Variants in CYP4F3 observed in about 807,000 individuals in gnomAD.
The protein encoded by CYP4F3 is cytochrome P450 family 4 subfamily F member 3.
Under a neutral mutation model 54.8 loss-of-function variants are expected in CYP4F3, and 50 were observed. That is an observed-to-expected ratio of 0.91 (90% CI 0.73 to 1.16). The LOEUF is 1.16. Ranked by LOEUF, CYP4F3 falls within the 50% of genes most tolerant of loss-of-function variation. CYP4F3 has a pLI of 0.00. For missense variants in CYP4F3, 715 were observed against 676.2 expected, an observed-to-expected ratio of 1.06 and a Z score of -0.64; for synonymous variants, 244 against 262.6, an observed-to-expected ratio of 0.93 and a Z score of 0.69.
At chr19:15,654,353 C>T (rs781639532) in intron 9 of CYP4F3, among the ~76,000 whole-genome samples, 4 of 152,032 alleles carry the variant, frequency 2.6e-5, no homozygotes, top group Non-Finnish European at 4.4e-5. Flanking sequence ...ATATCCATTG[C>T]CTGAAATATT....
intron 3 of CYP4F3, 25 bp from the exon 4 acceptor site, chr19:15,647,027 C>A: frequency 6.2e-7 from 1 of 1,613,706 alleles, no homozygotes; most frequent in Non-Finnish European, 8.5e-7. Flanking sequence ...CCTCCATGGC[C>A]CCTGATTGTC....
intron 12 of CYP4F3, 117 bp downstream of exon 12, chr19:15,658,926 C>T: frequency 2.1e-6 from 3 of 1,400,608 alleles, no homozygotes; most frequent in South Asian, 2.6e-5. Flanking sequence ...CCTTCCCTCA[C>T]CTCCTCTGGA....
chr19:15,650,302 A>G (rs549825126), intron 7 of CYP4F3, 119 bp downstream of exon 7: 3 of 1,586,052 alleles, frequency 1.9e-6, no homozygotes, highest in South Asian at 2.3e-5. Context: ...TGATTGAGGA[A>G]GGGAGGGACA....
At chr19:15,650,745 C>CTTTCTTTCTTTCTTTCTCTCT (rs1568398088) in intron 7 of CYP4F3, among the ~76,000 whole-genome samples, 1 of 62,398 alleles carries the variant, frequency 1.6e-5, no homozygotes, top group Non-Finnish European at 2.9e-5. Context: ...TCTTTTCCTT[C>CTTTCTTTCTTTCTTTCTCTCT]CTTCCATCTT....
At chr19:15,656,509 C>CTATGTATG (rs1568402240) in intron 9 of CYP4F3, among the ~76,000 whole-genome samples, 1 of 64,936 alleles carries the variant, frequency 1.5e-5, no homozygotes, top group Non-Finnish European at 2.8e-5. Flanking sequence ...ATCTATCTAT[C>CTATGTATG]TATCTATCTA....
Position 15,645,743 on chromosome 19 carries a change from C to T in CYP4F3, c.223C>T (p.Leu75=). 6.2e-7 allele frequency: 1 copy of T among 1,613,684 alleles called. No individual in the cohort carries two copies. The highest frequency in any genetic ancestry group is 1.1e-5 in the South Asian group (1 of 91,036). The change falls in exon 3 of 13, where the codon CTA becomes TTA. Residue 75 remains leucine, a synonymous_variant. Coordinates refer to ENST00000221307, the MANE Select transcript of CYP4F3 (RefSeq NM_000896.3). The part of the protein sequence containing the change: ...GLIHSSEEGL[L]YTQSLACTFG... ...GATTCACAGCTCGGAGGAAGGTCTC[C>T]TATACACACAAAGCCTGGCATGCAC...
At chr19:15,656,467 GTTTA>G (rs56240080) in intron 9 of CYP4F3, among the ~76,000 whole-genome samples, 67,467 of 134,408 alleles carry the variant, frequency 0.5, 16,159 homozygotes, top group East Asian at 0.65. Flanking sequence ...CCATAGATTT[GTTTA>G]TCTATCTATC....
At chr19:15,654,562 T>C (rs1050953626) in intron 9 of CYP4F3, among the ~76,000 whole-genome samples, 1 of 152,200 alleles carries the variant, frequency 6.6e-6, no homozygotes, top group South Asian at 2.1e-4. Flanking sequence ...TCTTTTTTCA[T>C]GAGATCCACT....
Position 15,651,531 on chromosome 19 carries a change from A to AT in CYP4F3, c.919-1033dup, listed in dbSNP as rs747496816. On this transcript the variant is annotated intron_variant, in intron 7 of 12. Coordinates refer to ENST00000221307, the MANE Select transcript of CYP4F3 (RefSeq NM_000896.3). ...TAGAGGCACCTGGCTAATTTTTTGT[A>AT]TTTTTAGTACAGACGGAGCTTCACT... Among the ~76,000 whole-genome samples, 8 of 128,766 alleles carry AT rather than the reference A, an allele frequency of 6.2e-5. 1 individual carries two copies. The highest frequency in any genetic ancestry group is 3.1e-4 in the Admixed American group (4 of 12,938). The allele number at this position is 128,766 out of a possible 152,430, so 84.5% of individuals were successfully genotyped here.
Position 15,640,956 on chromosome 19 carries a change from G to T in CYP4F3, c.-2+11G>T, listed in dbSNP as rs192489820. On this transcript the variant is annotated intron_variant, in intron 1 of 12. Transcript: ENST00000221307. ...TGCTCCTGACAGAAGGTGCCAGGGT[G>T]GGGGTGGTGGGCCTGGGGCATCCTA... 276 of 161,404 alleles carry T rather than the reference G, an allele frequency of 1.7e-3. 1 individual carries two copies. The highest frequency in any genetic ancestry group is 6.2e-3 in the African/African-American group (260 of 41,676). The allele number at this position is 161,404 out of a possible 1,614,324, so 10.0% of individuals were successfully genotyped here. A position where few individuals can be genotyped will look rare whatever the true frequency, so the allele number is the denominator to read the frequency against.
At chr19:15,645,604 G>C in intron 2 of CYP4F3, 115 bp from the exon 3 acceptor site, 2 of 1,380,672 alleles carry the variant, frequency 1.4e-6, no homozygotes, top group South Asian at 1.4e-5. Context: ...GCACTGAGAG[G>C]GAGATGAGAT....
rs1451126281 is a variant in CYP4F3 at position 15,649,976 on chromosome 19, G to T, written c.711G>T (p.Gln237His). 2.0e-5 allele frequency: 33 copies of T among 1,614,056 alleles called. No homozygotes were observed. The highest frequency in any genetic ancestry group is 4.0e-5 in the African/African-American group (3 of 74,904). Reference protein sequence around the residue: ...ELSALVTKRHQQILLYIDFLY... With the variant: ...ELSALVTKRHHQILLYIDFLY... ...GTGCCCTTGTGACAAAAAGACACCAGCAGATCCTCCTGTACATAGACTTCC... is the reference window on the plus strand; with the variant it reads ...GTGCCCTTGTGACAAAAAGACACCATCAGATCCTCCTGTACATAGACTTCC... Residue 237 changes from glutamine to histidine, a missense_variant, in exon 7 of 13, where the codon CAG becomes CAT. Coordinates refer to ENST00000221307, the MANE Select transcript of CYP4F3 (RefSeq NM_000896.3).
intron 2 of CYP4F3, among the ~76,000 whole-genome samples, chr19:15,644,598 C>T (rs1389979761): frequency 7.3e-6 from 1 of 137,750 alleles, no homozygotes; most frequent in South Asian, 2.3e-4. Flanking sequence ...ACAATGAGGA[C>T]TTGTGGCTGG....
At chr19:15,657,937 G>T (rs1008276450) in intron 9 of CYP4F3, among the ~76,000 whole-genome samples, 6 of 151,978 alleles carry the variant, frequency 3.9e-5, no homozygotes, top group Admixed American at 3.9e-4. Context: ...TTTTTATGAC[G>T]TTAAGTAGGT....
chr19:15,657,573 G>A (rs55923265), intron 9 of CYP4F3, among the ~76,000 whole-genome samples: 31,588 of 152,062 alleles, frequency 0.21, 3,563 homozygotes, highest in Middle Eastern at 0.27. Flanking sequence ...ACAGGCATGA[G>A]CCACCATACA....
In CYP4F3 at chr19:15,658,067, C is replaced by A. The variant is rs991234827; in HGVS notation, c.1116-197C>A. On this transcript the variant is annotated intron_variant, in intron 9 of 12. Coordinates refer to ENST00000221307, the MANE Select transcript of CYP4F3 (RefSeq NM_000896.3). ...TTATTCTCATGTCTTTTTCTGAGCT[C>A]TTTATGCTGTTCCATGGGTCTATTT... 5.2e-6 allele frequency: 5 copies of A among 958,130 alleles called. No individual in the cohort carries two copies. The African/African-American group carries it at 8.8e-5, about 17-fold the overall frequency. 59.4% of individuals were successfully genotyped at this position (958,130 alleles called of 1,614,324 possible). A position where few individuals can be genotyped will look rare whatever the true frequency, so the allele number is the denominator to read the frequency against.
intron 2 of CYP4F3, among the ~76,000 whole-genome samples, chr19:15,645,008 G>A (rs1048590501): frequency 6.6e-6 from 1 of 152,202 alleles, no homozygotes; most frequent in African/African-American, 2.4e-5. Flanking sequence ...AGGCATGGCT[G>A]GATCCAGGTC....
At position 15,647,402 on chromosome 19, in the gene CYP4F3, G is replaced by T; in HGVS notation, c.525+78G>T. The T allele has an allele frequency of 2.5e-6, 4 of 1,590,776 alleles. No individual in the cohort carries two copies. The South Asian group carries it at 4.6e-5, about 18-fold the overall frequency. On this transcript the variant is annotated intron_variant, in intron 5 of 12. Coordinates refer to ENST00000221307, the MANE Select transcript of CYP4F3 (RefSeq NM_000896.3). The stretch of plus-strand genomic sequence containing the variant: ...ACAGACAGATCTAGTCTGGAATTTT[G>T]GCTCTGCTGGGTGCCTCTGGGCCAT...
intron 12 of CYP4F3, 145 bp from the exon 13 acceptor site, chr19:15,659,075 A>G (rs557823312): frequency 8.7e-5 from 112 of 1,283,626 alleles, no homozygotes; most frequent in African/African-American, 3.7e-4. Flanking sequence ...ATGCAAGCCC[A>G]CATGGGGATC....
Sources: allele counts gnomAD v4.1 joint callset (sites outside exome capture counted in the v4.1 genomes callset), GRCh38; gene constraint gnomAD v4.1.1; transcripts MANE v1.5; gene names NCBI Gene and HGNC (gene_info 2026-07-23, HGNC 2026-07-21).